TTC39A: variants seen among roughly 807,000 people sequenced by gnomAD.
The protein encoded by TTC39A is tetratricopeptide repeat protein 39A.
In TTC39A, 46 loss-of-function variants were observed where a neutral mutation model predicts 82.3. The ratio of observed to expected loss-of-function variants is 0.56; its 90% CI spans 0.44 to 0.71. The LOEUF (loss-of-function observed/expected upper bound fraction) is 0.71, where lower values mean the gene tolerates loss of function less well. TTC39A is among the 30% of genes least tolerant of loss of function. The pLI, the probability that TTC39A is intolerant of heterozygous loss-of-function variation, is 0.00. For synonymous variants in TTC39A, 254 were observed against 275.2 expected (o/e 0.92, Z 0.76); for missense variants, 543 against 712.9 (o/e 0.76, Z 2.71).
At chr1:51,303,313 C>T (rs890027956) in intron 8 of TTC39A, 121 bp from the exon 9 acceptor site, 2 of 822,158 alleles carry the variant, frequency 2.4e-6, no homozygotes, top group African/African-American at 3.4e-5. Context: ...CCCTGGGGGC[C>T]AGGTCAGCTG....
chr1:51,290,806 T>C (rs757914953), intron 14 of TTC39A, among the ~76,000 whole-genome samples, 181 bp from the exon 15 acceptor site: 9 of 152,188 alleles, frequency 5.9e-5, no homozygotes, highest in Non-Finnish European at 1.2e-4. Context: ...GGGAGCCTTA[T>C]CATTGATTTC....
chr1:51,340,809 A>C (rs1570031951), intron 1 of TTC39A, among the ~76,000 whole-genome samples: 1 of 152,212 alleles, frequency 6.6e-6, no homozygotes, highest in South Asian at 2.1e-4. Context: ...AGATGAGGAA[A>C]CTGAGGCACG....
At chr1:51,306,154 C>G (rs1366523352) in intron 6 of TTC39A, 78 bp from the exon 7 acceptor site, 12 of 1,139,264 alleles carry the variant, frequency 1.1e-5, no homozygotes, top group Admixed American at 9.1e-5. Context: ...CCAGCTGGGC[C>G]TCAGGTAAAC....
intron 12 of TTC39A, chr1:51,301,111 C>G (rs1644637706): frequency 6.5e-6 from 1 of 153,104 alleles, no homozygotes; most frequent in Non-Finnish European, 1.5e-5. Context: ...GTTATATGAG[C>G]CTTTTGTGTT....
At position 51,315,278 on chromosome 1, in the gene TTC39A, GCCC is replaced by G. The variant is rs113429545; in HGVS notation, c.147-2338_147-2336del. Among the ~76,000 whole-genome samples, 1,069 of 152,318 alleles carry G rather than the reference GCCC, an allele frequency of 7.0e-3. 11 individuals carry two copies. Among genetic ancestry groups the G allele is most frequent in the African/African-American group, 0.024 (989 of 41,562 alleles). On this transcript the variant is annotated intron_variant, in intron 2 of 17. Coordinates refer to ENST00000680483, the MANE Select transcript of TTC39A (RefSeq NM_001297663.2). ...CCCCTCCCCAGCCTACCTCCTGGAA[GCCC>G]CCAACTCTAGTCTGAACTGGGAAAT...
intron 12 of TTC39A, 76 bp downstream of exon 12, chr1:51,301,496 G>C: frequency 6.0e-6 from 9 of 1,489,280 alleles, no homozygotes; most frequent in Non-Finnish European, 8.2e-6. Context: ...TGTTCAGTTA[G>C]GGATTTGGCC....
chr1:51,289,734 G>A (rs961052635), intron 16 of TTC39A, among the ~76,000 whole-genome samples: 2 of 152,162 alleles, frequency 1.3e-5, no homozygotes, highest in African/African-American at 4.8e-5. Context: ...TAGAGTCACC[G>A]AATTACAAAC....
chr1:51,291,231 C>T (rs1644202462), intron 14 of TTC39A, among the ~76,000 whole-genome samples: 1 of 152,142 alleles, frequency 6.6e-6, no homozygotes. Context: ...CGGCTCACGC[C>T]TGTAATCCCA....
intron 1 of TTC39A, among the ~76,000 whole-genome samples, chr1:51,341,609 A>G (rs1646038015): frequency 6.6e-6 from 1 of 152,136 alleles, no homozygotes; most frequent in Non-Finnish European, 1.5e-5. Flanking sequence ...GATCTGAGGG[A>G]CCACAATGTG....
intron 14 of TTC39A, 45 bp from the exon 15 acceptor site, chr1:51,290,670 G>T: frequency 6.5e-7 from 1 of 1,529,482 alleles, no homozygotes; most frequent in Non-Finnish European, 8.9e-7. Context: ...TTCCCTAATG[G>T]GGCCTCAGTT....
intron 2 of TTC39A, among the ~76,000 whole-genome samples, chr1:51,317,349 C>T (rs1645323768): frequency 1.3e-5 from 2 of 152,242 alleles, no homozygotes; most frequent in East Asian, 1.9e-4. Flanking sequence ...GGTATCCCCA[C>T]TCCCAATGTG....
chr1:51,322,399 G>GT (rs1425740938), intron 1 of TTC39A: 4 of 879,464 alleles, frequency 4.5e-6, no homozygotes, highest in Non-Finnish European at 6.2e-6. Flanking sequence ...CAGTCCTTAC[G>GT]TTTCTCTATA....
chr1:51,317,185 G>A (rs576665752), intron 2 of TTC39A, among the ~76,000 whole-genome samples: 17 of 152,326 alleles, frequency 1.1e-4, no homozygotes, highest in South Asian at 1.0e-3. Flanking sequence ...ATGGGACCAG[G>A]ACAATTAAAC....
chr1:51,328,777 G>C (rs1041540004), intron 1 of TTC39A, among the ~76,000 whole-genome samples: 4 of 152,156 alleles, frequency 2.6e-5, no homozygotes, highest in Middle Eastern at 3.2e-3. Flanking sequence ...TTTTCTGAAG[G>C]CTTAAAATAT....
At chr1:51,311,736 T>G (rs59115763) in intron 4 of TTC39A, among the ~76,000 whole-genome samples, 2,143 of 152,324 alleles carry the variant, frequency 0.014, 42 homozygotes, top group African/African-American at 0.04. Flanking sequence ...TGTTGTCCCA[T>G]TGACTCGGCT....
chr1:51,310,871 A>G (rs889772316), intron 5 of TTC39A, among the ~76,000 whole-genome samples: 2 of 152,256 alleles, frequency 1.3e-5, no homozygotes, highest in African/African-American at 2.4e-5. Context: ...TAAAAACTAC[A>G]TACCTATACC....
At chr1:51,301,849 G>T in intron 11 of TTC39A, 116 bp from the exon 12 acceptor site, 1 of 1,454,920 alleles carries the variant, frequency 6.9e-7, no homozygotes, top group Non-Finnish European at 9.2e-7. Context: ...TAGTGGTCCA[G>T]CCCTGTGCTA....
intron 7 of TTC39A, 141 bp downstream of exon 7, chr1:51,305,836 C>T (rs546402742): frequency 2.5e-6 from 2 of 805,658 alleles, no homozygotes; most frequent in African/African-American, 3.4e-5. Context: ...AGGCTGGCCA[C>T]ATGTCTGGTC....
chr1:51,327,085 C>G (rs868511319), intron 1 of TTC39A, among the ~76,000 whole-genome samples: 30 of 152,224 alleles, frequency 2.0e-4, no homozygotes, highest in African/African-American at 7.2e-4. Context: ...CCTCCCACTT[C>G]TCTACTAGAG....
Sources: allele counts gnomAD v4.1 joint callset (sites outside exome capture counted in the v4.1 genomes callset), GRCh38; gene constraint gnomAD v4.1.1; transcripts MANE v1.5; gene names NCBI Gene and HGNC (gene_info 2026-07-23, HGNC 2026-07-21).